The following SLC6A18 variants were observed in gnomAD, a reference collection of about 807,000 sequenced individuals.
SLC6A18 encodes solute carrier family 6 member 18.
SLC6A18 carries 58 observed loss-of-function variants against 62.9 expected under a neutral mutation model. That is an observed-to-expected ratio of 0.92 (90% CI 0.75 to 1.15). The LOEUF is 1.15. SLC6A18 is among the 50% of genes most tolerant of loss of function. The pLI is 0.00. For synonymous variants in SLC6A18, 382 were observed against 365.8 expected (o/e 1.04, Z -0.51); for missense variants, 793 against 836.6 (o/e 0.95, Z 0.64).
At position 1,232,221 on chromosome 5, in the gene SLC6A18, G is replaced by A. The variant is rs1480861368; in HGVS notation, c.163G>A (p.Ala55Thr). The change falls in exon 2 of 12, where the codon GCC (alanine) becomes ACC (threonine). Residue 55 changes from alanine to threonine, a missense_variant and splice_region_variant. Ala to Thr is a moderately conservative substitution (Grantham distance 58). Coordinates refer to ENST00000324642, the MANE Select transcript of SLC6A18 (RefSeq NM_182632.3). ...PYLCQTYGGG[A>T]FLIPYVIALV... ...TGCTGACCACCCCCTCCTCACAGGG[G>A]CCTTCCTCATCCCCTACGTCATCGC... 6.2e-7 allele frequency: 1 copy of A among 1,610,960 alleles called. No homozygotes were observed. Among genetic ancestry groups the A allele is most frequent in the Non-Finnish European group, 8.5e-7 (1 of 1,179,026 alleles).
intron 5 of SLC6A18, among the ~76,000 whole-genome samples, chr5:1,238,976 G>A (rs914048980): frequency 2.0e-5 from 3 of 152,222 alleles, no homozygotes; most frequent in Non-Finnish European, 2.9e-5. Context: ...GGCTGGTGTG[G>A]GAGTGGGCAC....
At chr5:1,230,260 GGT>G (rs1746695650) in intron 1 of SLC6A18, among the ~76,000 whole-genome samples, 1 of 152,154 alleles carries the variant, frequency 6.6e-6, no homozygotes, top group Non-Finnish European at 1.5e-5. Flanking sequence ...CTGGCTTGGG[GGT>G]GTCCCCCCAT....
chr5:1,233,439 C>A (rs966719666), intron 3 of SLC6A18, among the ~76,000 whole-genome samples: 1 of 152,154 alleles, frequency 6.6e-6, no homozygotes, highest in Non-Finnish European at 1.5e-5. Flanking sequence ...GATCATACCA[C>A]TGCACTCCAG....
In SLC6A18 at chr5:1,246,163, C is replaced by A. The variant is rs543467452; in HGVS notation, c.*85C>A. On this transcript the variant is annotated 3_prime_UTR_variant, in exon 12 of 12. Coordinates refer to ENST00000324642, the MANE Select transcript of SLC6A18 (RefSeq NM_182632.3). ...GCGGGGCCCCGCCCACAGGGCCGAC[C>A]CCAATACACCAGCGACTCAACCTTG... 13 of 1,303,118 alleles carry A rather than the reference C, an allele frequency of 1.0e-5. No individual in the cohort carries two copies. In the African/African-American group the frequency reaches 1.8e-4, roughly 18 times the overall value. The allele number at this position is 1,303,118 out of a possible 1,614,324, so 80.7% of individuals were successfully genotyped here.
intron 3 of SLC6A18, 46 bp downstream of exon 3, chr5:1,232,934 G>A (rs1227617074): frequency 1.2e-5 from 19 of 1,573,064 alleles, no homozygotes; most frequent in Non-Finnish European, 1.6e-5. Flanking sequence ...ACGGCCGAGA[G>A]AGGCATGTGC....
chr5:1,239,490 C>T lies in SLC6A18; in HGVS notation c.773C>T (p.Ala258Val), dbSNP rs1746995214. Reference sequence around the variant, plus strand: ...AACCCCCGGGTGTGGCTGGACGCAGCCACCCAGATATTCTTCTCTCTGTCC... The same window carrying T: ...AACCCCCGGGTGTGGCTGGACGCAGTCACCCAGATATTCTTCTCTCTGTCC... ...LQNPRVWLDA[A>V]TQIFFSLSLA... Residue 258 changes from alanine to valine, a missense_variant, in exon 6 of 12, where the codon GCC becomes GTC. Transcript: ENST00000324642. 6.2e-7 allele frequency: 1 copy of T among 1,614,138 alleles called. No homozygotes were observed. The highest frequency in any genetic ancestry group is 1.7e-5 in the Admixed American group (1 of 60,024).
intron 3 of SLC6A18, among the ~76,000 whole-genome samples, chr5:1,233,889 C>G (rs529978011): frequency 3.9e-5 from 6 of 152,058 alleles, no homozygotes; most frequent in Non-Finnish European, 7.4e-5. Flanking sequence ...CTACAGGCGC[C>G]TGCCACCAGG....
At position 1,240,632 on chromosome 5, in the gene SLC6A18, C is replaced by T. The variant is rs1747029357; in HGVS notation, c.947C>T (p.Thr316Ile). Residue 316 changes from threonine (T) to isoleucine (I), a missense_variant, in exon 7 of 12, where the codon ACT (threonine) becomes ATT (isoleucine). Physicochemically the swap from Thr to Ile is moderately conservative, Grantham distance 89. Coordinates refer to ENST00000324642, the MANE Select transcript of SLC6A18 (RefSeq NM_182632.3). ...AVFSVLGFKA[T>I]NDYEHCLDRN... ...TTCTCTGTCCTGGGGTTCAAAGCAACTAATGACTACGAGCACTGCCTGGAC... is the reference window on the plus strand; with the variant it reads ...TTCTCTGTCCTGGGGTTCAAAGCAATTAATGACTACGAGCACTGCCTGGAC... The T allele has an allele frequency of 1.9e-6, 3 of 1,614,136 alleles. No homozygotes were observed. Among genetic ancestry groups the T allele is most frequent in the East Asian group, 2.2e-5 (1 of 44,880 alleles).
At chr5:1,245,699 C>A in intron 11 of SLC6A18, 149 bp from the exon 12 acceptor site, 4 of 859,456 alleles carry the variant, frequency 4.7e-6, no homozygotes, top group Non-Finnish European at 6.9e-6. Flanking sequence ...AGCGGCCACA[C>A]GGCCTGGCCA....
intron 3 of SLC6A18, among the ~76,000 whole-genome samples, chr5:1,233,202 A>G (rs536352231): frequency 6.6e-6 from 1 of 152,306 alleles, no homozygotes; most frequent in South Asian, 2.1e-4. Flanking sequence ...GTTAGGTCGG[A>G]CGCCGTGGCT....
At chr5:1,228,557 G>C (rs542999847) in intron 1 of SLC6A18, among the ~76,000 whole-genome samples, 1 of 152,154 alleles carries the variant, frequency 6.6e-6, no homozygotes, top group African/African-American at 2.4e-5. Flanking sequence ...TGCGTGGATC[G>C]ATTGTAACAG....
chr5:1,233,402 C>G (rs753919507), intron 3 of SLC6A18, among the ~76,000 whole-genome samples: 1 of 151,972 alleles, frequency 6.6e-6, no homozygotes, highest in Non-Finnish European at 1.5e-5. Context: ...TGCTTGAACC[C>G]GGGAAGTGGA....
chr5:1,232,988 C>T lies in SLC6A18; in HGVS notation c.439+100C>T, dbSNP rs1746774642. ...AGAGCAGCTGCGGGTGGCGGATGCTCACCGCGGGGGGAGGGCCGGGGAACC... is the reference window on the plus strand; with the variant it reads ...AGAGCAGCTGCGGGTGGCGGATGCTTACCGCGGGGGGAGGGCCGGGGAACC... On this transcript the variant is annotated intron_variant, in intron 3 of 11. Transcript: ENST00000324642. The T allele has an allele frequency of 3.4e-6, 5 of 1,492,400 alleles. No individual in the cohort carries two copies. In the Admixed American group the frequency reaches 6.4e-5, roughly 19 times the overall value. 92.4% of individuals were successfully genotyped at this position (1,492,400 alleles called of 1,614,324 possible).
chr5:1,232,358 A>G lies in SLC6A18; in HGVS notation c.300A>G (p.Val100=), dbSNP rs1746754869. The G allele has an allele frequency of 6.2e-7, 1 of 1,609,392 alleles. No individual in the cohort carries two copies. Among genetic ancestry groups the G allele is most frequent in the Admixed American group, 1.7e-5 (1 of 59,748 alleles). The change falls in exon 2 of 12, where the codon GTA becomes GTG. Residue 100 remains valine (V), a splice_region_variant and synonymous_variant. Transcript: ENST00000324642. ...WTAISPYLSG[V]GLGCVTLSFL... Reference sequence around the variant, plus strand: ...CCATCTCCCCGTACCTCAGTGGAGTAGGTAGGCCACCGTCCTCGCTTGCCC... The same window carrying G: ...CCATCTCCCCGTACCTCAGTGGAGTGGGTAGGCCACCGTCCTCGCTTGCCC...
chr5:1,228,561 G>C (rs1374407896), intron 1 of SLC6A18, among the ~76,000 whole-genome samples: 1 of 152,194 alleles, frequency 6.6e-6, no homozygotes, highest in East Asian at 1.9e-4. Context: ...TGGATCGATT[G>C]TAACAGCAGC....
chr5:1,233,707 C>T (rs1746797484), intron 3 of SLC6A18, among the ~76,000 whole-genome samples: 1 of 151,470 alleles, frequency 6.6e-6, no homozygotes, highest in African/African-American at 2.4e-5. Context: ...CTCCACTTCC[C>T]AAGCAGCTGG....
chr5:1,225,736 C>A, intron 1 of SLC6A18, 99 bp downstream of exon 1: 1 of 1,383,900 alleles, frequency 7.2e-7, no homozygotes, highest in South Asian at 1.4e-5. Flanking sequence ...AGTGCTTGGG[C>A]AGAGTCACTC....
chr5:1,238,012 G>A lies in SLC6A18; in HGVS notation c.684G>A (p.Leu228=). 6.2e-7 allele frequency: 1 copy of A among 1,614,212 alleles called. No homozygotes were observed. ...TGACCATCTTTCTCATCAGAGGGCT[G>A]ACCCTGCCAGGGGCAACAAAAGGAC... The part of the protein sequence containing the change: ...LVLTIFLIRG[L]TLPGATKGLI... Residue 228 remains leucine (L), a synonymous_variant, in exon 5 of 12, where the codon CTG becomes CTA. Transcript: ENST00000324642.
intron 1 of SLC6A18, among the ~76,000 whole-genome samples, chr5:1,226,531 G>A (rs1486194067): frequency 6.6e-6 from 1 of 152,140 alleles, no homozygotes; most frequent in African/African-American, 2.4e-5. Flanking sequence ...TTGTTATAAG[G>A]TTACTCCTTT....
Sources: gnomAD v4.1 joint callset for allele counts (sites outside exome capture counted in the v4.1 genomes callset) on GRCh38, gnomAD v4.1.1 for gene constraint, MANE v1.5 for transcripts, NCBI Gene and HGNC (gene_info 2026-07-23, HGNC 2026-07-21) for gene names.